SOX6: variants seen among roughly 807,000 people sequenced by gnomAD.
SOX6 encodes the protein transcription factor SOX-6.
Under a neutral mutation model 97.8 loss-of-function variants are expected in SOX6, and 11 were observed. The ratio of observed to expected loss-of-function variants is 0.11; its 90% CI spans 0.07 to 0.19. The LOEUF is 0.19. SOX6 is among the 10% of genes least tolerant of loss of function. The pLI, the probability that SOX6 is intolerant of heterozygous loss-of-function variation, is 1.00. For synonymous variants in SOX6, 360 were observed against 371.4 expected (o/e 0.97, Z 0.35); for missense variants, 810 against 1,039.5 (o/e 0.78, Z 3.04).
chr11:15,972,847 T>TTCATTTCCCA lies in SOX6; in HGVS notation c.2448_2449insTGGGAAATGA (p.Ser817TrpfsTer5). 1 of 1,614,236 alleles carries TTCATTTCCCA rather than the reference T, an allele frequency of 6.2e-7. No homozygotes were observed. The highest frequency in any genetic ancestry group is 8.5e-7 in the Non-Finnish European group (1 of 1,180,034). On this transcript the variant is annotated frameshift_variant, in exon 16 of 16. Transcript: ENST00000683767. LOFTEE classifies it high-confidence loss of function. ...ACAGCCTCCGGGGCTTCATTTTCACTGCTATAGTCTGATTTGGGGTCATCT... is the reference window on the plus strand; with the variant it reads ...ACAGCCTCCGGGGCTTCATTTTCACTTCATTTCCCAGCTATAGTCTGATTTGGGGTCATCT...
At chr11:16,169,904 T>C (rs960196038) in intron 6 of SOX6, among the ~76,000 whole-genome samples, 3 of 136,800 alleles carry the variant, frequency 2.2e-5, no homozygotes, top group African/African-American at 8.6e-5. Context: ...TACACCCTTG[T>C]AATTTTAATG....
At chr11:16,705,834 A>G (rs1564873317) in intron 3 of SOX6, among the ~76,000 whole-genome samples, 1 of 152,194 alleles carries the variant, frequency 6.6e-6, no homozygotes, top group Non-Finnish European at 1.5e-5. Context: ...AAATAACCAA[A>G]ATATATTTTA....
At chr11:16,134,401 T>A (rs1324164182) in intron 6 of SOX6, among the ~76,000 whole-genome samples, 1 of 152,214 alleles carries the variant, frequency 6.6e-6, no homozygotes, top group Non-Finnish European at 1.5e-5. Context: ...CCTTGAAAAC[T>A]TCTTGAAGAA....
intron 1 of SOX6, among the ~76,000 whole-genome samples, chr11:16,379,554 G>A (rs1261939403): frequency 2.0e-5 from 3 of 152,032 alleles, no homozygotes; most frequent in Non-Finnish European, 4.4e-5. Context: ...AAAATAAGAT[G>A]CCATTTTCTA....
At chr11:16,720,175 C>G (rs891576639) in intron 2 of SOX6, among the ~76,000 whole-genome samples, 8 of 151,640 alleles carry the variant, frequency 5.3e-5, no homozygotes, top group African/African-American at 1.9e-4. Flanking sequence ...CCATTTGACC[C>G]AGCCATCCCA....
intron 9 of SOX6, among the ~76,000 whole-genome samples, chr11:16,082,851 G>T (rs1260651006): frequency 6.6e-6 from 1 of 152,122 alleles, no homozygotes; most frequent in Non-Finnish European, 1.5e-5. Flanking sequence ...AGTGTAAAAG[G>T]CACTCTGTGA....
chr11:16,719,054 A>T (rs1051352949), intron 2 of SOX6, among the ~76,000 whole-genome samples: 1 of 152,044 alleles, frequency 6.6e-6, no homozygotes, highest in Non-Finnish European at 1.5e-5. Flanking sequence ...CATATTACAC[A>T]AGTACATAAT....
rs186797687 is a variant in SOX6 at position 16,580,359 on chromosome 11, G to A, written n.609+31722C>T. Among the ~76,000 whole-genome samples the A allele has an allele frequency of 2.6e-5, 4 of 151,890 alleles. No homozygotes were observed. In the East Asian group the frequency reaches 7.7e-4, roughly 29 times the overall value. On this transcript the variant is annotated intron_variant and non_coding_transcript_variant, in intron 4 of 5. Coordinates refer to the SOX6 transcript ENST00000524520. ...TTCTTTATATAAATTCAATTACCAG[G>A]ACAAGATGCTAAAATGCATAACTGA...
In SOX6 at chr11:16,605,741, G is replaced by A. The variant is rs1481651780; in HGVS notation, n.609+6340C>T. Among the ~76,000 whole-genome samples, 1 of 151,994 alleles carries A rather than the reference G, an allele frequency of 6.6e-6. No individual in the cohort carries two copies. The highest frequency in any genetic ancestry group is 2.4e-5 in the African/African-American group (1 of 41,366). On this transcript the variant is annotated intron_variant and non_coding_transcript_variant, in intron 4 of 5. Transcript: ENST00000524520. The surrounding 1 kb of genome is among the most constrained non-coding windows in gnomAD (Gnocchi z 5.3). ...CCAAACCGAAATGGGGGTGGGGTGG[G>A]GGTAGCATTAAGAAGCCCAGAAGCT...
At chr11:16,685,010 T>C (rs1454363973) in intron 3 of SOX6, among the ~76,000 whole-genome samples, 1 of 152,010 alleles carries the variant, frequency 6.6e-6, no homozygotes, top group Non-Finnish European at 1.5e-5. Context: ...CCAGATCTAA[T>C]GAGTACTCAC....
chr11:16,707,323 T>C (rs1848145348), intron 3 of SOX6, among the ~76,000 whole-genome samples: 1 of 151,296 alleles, frequency 6.6e-6, no homozygotes, highest in Admixed American at 6.6e-5. Context: ...ATAACAAACT[T>C]AATGAGGAAT....
chr11:15,991,346 C>A (rs1231569591), intron 13 of SOX6, among the ~76,000 whole-genome samples: 3 of 152,136 alleles, frequency 2.0e-5, no homozygotes, highest in South Asian at 4.1e-4. Flanking sequence ...CTGACAATAT[C>A]CATCAACACA....
In SOX6 at chr11:15,997,126, A is replaced by G. The variant is rs548161103; in HGVS notation, c.1733-7896T>C. ...TAACTTAATTTCAATAAATTTGACA[A>G]CTTAGATAAAATGAACATATTTGTT... On this transcript the variant is annotated intron_variant, in intron 13 of 15. Transcript: ENST00000683767. Among the ~76,000 whole-genome samples, 6 of 152,280 alleles carry G rather than the reference A, an allele frequency of 3.9e-5. No individual in the cohort carries two copies. The South Asian group carries it at 1.2e-3, about 32-fold the overall frequency.
At chr11:16,682,838 C>T (rs1012340388) in intron 3 of SOX6, among the ~76,000 whole-genome samples, 2 of 152,092 alleles carry the variant, frequency 1.3e-5, no homozygotes, top group African/African-American at 4.8e-5. Context: ...TTTAGAAAAC[C>T]CCATCATCTC....
intron 15 of SOX6, among the ~76,000 whole-genome samples, chr11:15,985,812 T>C (rs1220718652): frequency 6.6e-6 from 1 of 152,148 alleles, no homozygotes; most frequent in African/African-American, 2.4e-5. Flanking sequence ...AAGCAGACTA[T>C]TGTGATTAGA....
At chr11:16,047,098 G>A (rs1855856641) in intron 11 of SOX6, among the ~76,000 whole-genome samples, 1 of 152,120 alleles carries the variant, frequency 6.6e-6, no homozygotes, top group East Asian at 1.9e-4. Flanking sequence ...AGGCAGAGAT[G>A]TTTGTCCAGG....
At chr11:16,562,969 A>G (rs1458858446) in intron 4 of SOX6, among the ~76,000 whole-genome samples, 1 of 152,162 alleles carries the variant, frequency 6.6e-6, no homozygotes, top group East Asian at 1.9e-4. Flanking sequence ...GCTAGCTAAA[A>G]CAAGTTTACA....
At chr11:16,035,309 T>C (rs1228751655) in intron 12 of SOX6, among the ~76,000 whole-genome samples, 1 of 152,180 alleles carries the variant, frequency 6.6e-6, no homozygotes, top group East Asian at 1.9e-4. Context: ...ATATTAACTG[T>C]GTGAATGTAG....
intron 3 of SOX6, among the ~76,000 whole-genome samples, chr11:16,244,715 T>C (rs1426071592): frequency 6.6e-6 from 1 of 151,624 alleles, no homozygotes; most frequent in Non-Finnish European, 1.5e-5. Context: ...TTATCTTGTC[T>C]TAACTGTTGA....
Sources: gnomAD v4.1 joint callset for allele counts (sites outside exome capture counted in the v4.1 genomes callset) on GRCh38, gnomAD v4.1.1 for gene constraint, Gnocchi (gnomAD v3.1) non-coding constraint, MANE v1.5 for transcripts, NCBI Gene and HGNC (gene_info 2026-07-23, HGNC 2026-07-21) for gene names.